USH1C: variants seen among roughly 807,000 people sequenced by gnomAD.
USH1C encodes harmonin.
Under a neutral mutation model 119.3 loss-of-function variants are expected in USH1C, and 90 were observed. The ratio of observed to expected loss-of-function variants is 0.75; its 90% CI spans 0.64 to 0.90. The LOEUF is 0.90. USH1C is among the 40% of genes least tolerant of loss of function. The pLI, the probability that USH1C is intolerant of heterozygous loss-of-function variation, is 0.00. For synonymous variants in USH1C, 465 were observed against 443.3 expected (o/e 1.05, Z -0.62); for missense variants, 1,165 against 1,167.7 (o/e 1.00, Z 0.03).
Position 17,510,428 on chromosome 11 carries a change from A to G in USH1C, c.1507T>C (p.Ser503Pro), listed in dbSNP as rs1849836138. The stretch of plus-strand genomic sequence containing the variant: ...ACCTCTGAAATCTCATTATCAGCAG[A>G]GGAAATCTGCTCGAGGCGCGTTTGA... Reference protein sequence around the residue: ...LCQTRLEQISSADNEISEMTT... With the variant: ...LCQTRLEQISPADNEISEMTT... The change falls in exon 17 of 27, where the codon TCT becomes CCT. Residue 503 changes from serine (S) to proline (P), a missense_variant. Coordinates refer to ENST00000005226, the MANE Select transcript of USH1C (RefSeq NM_153676.4). 1 of 1,612,478 alleles carries G rather than the reference A, an allele frequency of 6.2e-7. No individual in the cohort carries two copies. The highest frequency in any genetic ancestry group is 8.5e-7 in the Non-Finnish European group (1 of 1,179,752).
intron 18 of USH1C, among the ~76,000 whole-genome samples, chr11:17,508,212 C>T (rs1445466806): frequency 6.6e-6 from 1 of 152,218 alleles, no homozygotes; most frequent in East Asian, 1.9e-4. Flanking sequence ...GGAAAGATGT[C>T]CCGAGAACAG....
In USH1C at chr11:17,531,266, C is replaced by T. The variant is rs147954324; in HGVS notation, c.275G>A (p.Arg92His). 85 of 1,614,126 alleles carry T rather than the reference C, an allele frequency of 5.3e-5. 1 individual carries two copies. In the African/African-American group the frequency reaches 8.1e-4, roughly 15 times the overall value. ...SRKLKEVRLD[R>H]LHPEGLGLSV... is the part of the protein sequence containing the mutation. The stretch of plus-strand genomic sequence containing the variant: ...CAGGCCGAGGCCTTCGGGGTGCAGA[C>T]GGTCCAGACGCACCTCCTTCAGCTT... Residue 92 changes from arginine to histidine, a missense_variant, in exon 4 of 27, where the codon CGT becomes CAT. Coordinates refer to ENST00000005226, the MANE Select transcript of USH1C (RefSeq NM_153676.4). The surrounding 1 kb of genome is among the most constrained non-coding windows in gnomAD (Gnocchi z 4.2).
At chr11:17,501,413 G>A in intron 22 of USH1C, 69 bp downstream of exon 22, 5 of 1,547,908 alleles carry the variant, frequency 3.2e-6, no homozygotes, top group Non-Finnish European at 3.5e-6. Flanking sequence ...AGTAGAGGCA[G>A]GAGACCAAGG....
At chr11:17,504,523 G>T in intron 20 of USH1C, 124 bp downstream of exon 20, 1 of 1,067,704 alleles carries the variant, frequency 9.4e-7, no homozygotes, top group Non-Finnish European at 1.5e-6. Flanking sequence ...CTGGCCTGAG[G>T]CTTGGTGGCA....
Position 17,495,675 on chromosome 11 carries a change from GCT to G in USH1C, c.2547_2548del (p.Ala850PhefsTer8). The G allele has an allele frequency of 6.2e-7, 1 of 1,614,156 alleles. No homozygotes were observed. Among genetic ancestry groups the G allele is most frequent in the Non-Finnish European group, 8.5e-7 (1 of 1,180,002 alleles). On this transcript the variant is annotated frameshift_variant and splice_region_variant, in exon 26 of 27. Transcript: ENST00000005226. LOFTEE classifies it high-confidence loss of function. ...TTCAGCTACGGAGGAGGGAAGAGAA[GCT>G]CTATATATACAGAGCAGAGCAAGAA...
intron 1 of USH1C, among the ~76,000 whole-genome samples, chr11:17,541,763 G>A (rs1217546739): frequency 1.3e-5 from 2 of 152,216 alleles, no homozygotes; most frequent in Non-Finnish European, 2.9e-5. Flanking sequence ...GAGCCTGTTG[G>A]CTCCCACTGG....
chr11:17,499,725 G>A (rs936309700), intron 23 of USH1C, among the ~76,000 whole-genome samples: 4 of 152,244 alleles, frequency 2.6e-5, no homozygotes. Context: ...CCAAGGTCAT[G>A]GGTGCAGAGC....
rs4756898 is a variant in USH1C at position 17,524,831 on chromosome 11, T to C, written c.675-296A>G. Among the ~76,000 whole-genome samples, 106,494 of 152,100 alleles carry C rather than the reference T, an allele frequency of 0.7. 38,737 individuals carry two copies. The highest frequency in any genetic ancestry group is 0.92 in the African/African-American group (38,188 of 41,516). On this transcript the variant is annotated intron_variant, in intron 8 of 26. Transcript: ENST00000005226. Reference sequence around the variant, plus strand: ...AATGCTATCCCTTCTATAAGGTTTTTACCAGATCCTCTTATTTTTTTAAAT... The same window carrying C: ...AATGCTATCCCTTCTATAAGGTTTTCACCAGATCCTCTTATTTTTTTAAAT...
intron 21 of USH1C, 61 bp from the exon 22 acceptor site, chr11:17,501,596 G>C (rs1433026095): frequency 5.2e-6 from 8 of 1,552,650 alleles, no homozygotes; most frequent in Non-Finnish European, 6.2e-6. Context: ...CTTGGGGTAG[G>C]GCTGGAAGGG....
chr11:17,522,952 C>T (rs749942765), intron 11 of USH1C, 26 bp from the exon 12 acceptor site: 3 of 1,604,432 alleles, frequency 1.9e-6, no homozygotes, highest in South Asian at 1.1e-5. Context: ...AGGCCCCTTG[C>T]TCAGCCCCCG....
At chr11:17,527,913 G>A (rs1565059625) in intron 4 of USH1C, among the ~76,000 whole-genome samples, 1 of 152,030 alleles carries the variant, frequency 6.6e-6, no homozygotes, top group Non-Finnish European at 1.5e-5. Context: ...TAACTCTGCT[G>A]TGGCCCTGAC....
At chr11:17,543,415 CA>C (rs1159539854) in intron 1 of USH1C, among the ~76,000 whole-genome samples, 4 of 107,410 alleles carry the variant, frequency 3.7e-5, no homozygotes, top group South Asian at 6.7e-4. Flanking sequence ...AGATACCACC[CA>C]CCCCCCCCAA....
rs753945447 is a variant in USH1C, at chr11:17,501,926, C to T, written c.2226+13G>A. On this transcript the variant is annotated intron_variant, in intron 21 of 26. Coordinates refer to ENST00000005226, the MANE Select transcript of USH1C (RefSeq NM_153676.4). ...TGGGGTTACTTGTCCAGGAGAGAAG[C>T]GTCATCTCTTACCATAGAGTAGGGG... 2.5e-6 allele frequency: 4 copies of T among 1,613,174 alleles called. No individual in the cohort carries two copies. Among genetic ancestry groups the T allele is most frequent in the South Asian group, 1.1e-5 (1 of 90,886 alleles).
At chr11:17,495,492 G>A in intron 26 of USH1C, 77 bp downstream of exon 26, 1 of 1,460,028 alleles carries the variant, frequency 6.8e-7, no homozygotes, top group Non-Finnish European at 9.6e-7. Flanking sequence ...CAAAGAACCT[G>A]CTGACAGCGT....
chr11:17,523,969 G>T (rs1850543687), intron 9 of USH1C, among the ~76,000 whole-genome samples: 1 of 152,226 alleles, frequency 6.6e-6, no homozygotes, highest in African/African-American at 2.4e-5. Flanking sequence ...AAACAGACAT[G>T]AAGTAACTTG....
intron 1 of USH1C, among the ~76,000 whole-genome samples, chr11:17,542,389 G>A (rs12270598): frequency 0.11 from 16,844 of 152,320 alleles, 1,059 homozygotes; most frequent in South Asian, 0.26. Context: ...ACCTGGGAGG[G>A]GAAGGCTGTG....
At chr11:17,522,957 C>A in intron 11 of USH1C, 31 bp from the exon 12 acceptor site, 1 of 1,602,536 alleles carries the variant, frequency 6.2e-7, no homozygotes, top group Non-Finnish European at 8.5e-7. Flanking sequence ...CCTTGCTCAG[C>A]CCCCGGGGAA....
chr11:17,517,388 C>T lies in USH1C; in HGVS notation c.1211-1098G>A, dbSNP rs780714835. ...AGAGCAGCCAGGCCAGGGAGCAAAG[C>T]GGGGACGCGAACCTGCTCTCCCTGC... is the stretch of plus-strand genomic sequence containing the variant. On this transcript the variant is annotated intron_variant, in intron 14 of 26. Transcript: ENST00000005226. The T allele has an allele frequency of 1.1e-5, 17 of 1,571,542 alleles. No individual in the cohort carries two copies. The highest frequency in any genetic ancestry group is 1.8e-4 in the Middle Eastern group (1 of 5,472).
intron 20 of USH1C, among the ~76,000 whole-genome samples, chr11:17,502,624 G>C (rs938365790): frequency 6.6e-6 from 1 of 152,246 alleles, no homozygotes; most frequent in African/African-American, 2.4e-5. Context: ...TGGCCCTTTA[G>C]CTAGGGGAGA....
Sources: allele counts gnomAD v4.1 joint callset (sites outside exome capture counted in the v4.1 genomes callset), GRCh38; gene constraint gnomAD v4.1.1; non-coding constraint Gnocchi (gnomAD v3.1); transcripts MANE v1.5; gene names NCBI Gene and HGNC (gene_info 2026-07-23, HGNC 2026-07-21).